HS2ST1: variants seen among roughly 807,000 people sequenced by gnomAD.
The protein encoded by HS2ST1 is 2-O-sulfotransferase.
In HS2ST1, 18 loss-of-function variants were observed where a neutral mutation model predicts 42.9. That is an observed-to-expected ratio of 0.42 (90% CI 0.29 to 0.62). The LOEUF is 0.62. Among genes scored for constraint, HS2ST1 ranks in the 20% least tolerant of loss-of-function variants. The probability of loss-of-function intolerance (pLI) is 0.21; values close to 1 mark genes in which losing one functional copy is unlikely to be tolerated. For synonymous variants in HS2ST1, 146 were observed against 152.9 expected, an observed-to-expected ratio of 0.95 and a Z score of 0.33; for missense variants, 334 against 433.8, an observed-to-expected ratio of 0.77 and a Z score of 2.04.
chr1:87,067,330 G>A (rs544888102), intron 1 of HS2ST1, among the ~76,000 whole-genome samples: 17 of 152,320 alleles, frequency 1.1e-4, no homozygotes, highest in Admixed American at 9.1e-4. Flanking sequence ...CAGTGATGAT[G>A]AGCTTTTTTT....
At chr1:86,915,531 G>C (rs1034470702) in intron 1 of HS2ST1, among the ~76,000 whole-genome samples, 7 of 152,148 alleles carry the variant, frequency 4.6e-5, no homozygotes, top group African/African-American at 1.7e-4. Flanking sequence ...CTTGGAAGTC[G>C]TACAGGAAGC....
At chr1:87,006,923 C>A (rs548191158) in intron 1 of HS2ST1, among the ~76,000 whole-genome samples, 1 of 152,040 alleles carries the variant, frequency 6.6e-6, no homozygotes, top group Non-Finnish European at 1.5e-5. Flanking sequence ...TTTCATTATA[C>A]GGCTGCTAGT....
chr1:86,963,960 G>T (rs1647951036), intron 1 of HS2ST1, among the ~76,000 whole-genome samples: 1 of 151,510 alleles, frequency 6.6e-6, no homozygotes, highest in Non-Finnish European at 1.5e-5. Flanking sequence ...TTCCCAAATG[G>T]GTCGGCTGCC....
intron 1 of HS2ST1, among the ~76,000 whole-genome samples, chr1:86,967,250 A>T (rs1412311286): frequency 6.6e-6 from 1 of 152,000 alleles, no homozygotes; most frequent in Non-Finnish European, 1.5e-5. Flanking sequence ...TGGCGTATTA[A>T]CTAGCTCTTT....
At chr1:87,044,019 G>C (rs1194091268) in intron 1 of HS2ST1, among the ~76,000 whole-genome samples, 2 of 152,010 alleles carry the variant, frequency 1.3e-5, no homozygotes, top group African/African-American at 4.8e-5. Context: ...ACAAATCTTT[G>C]ATAATCTATA....
intron 3 of HS2ST1, among the ~76,000 whole-genome samples, chr1:87,087,340 CAT>C (rs1454594733): frequency 3.9e-5 from 6 of 152,252 alleles, no homozygotes; most frequent in African/African-American, 1.4e-4. Context: ...CTCAGTGTCA[CAT>C]GTCAGCATCT....
intron 2 of HS2ST1, among the ~76,000 whole-genome samples, chr1:87,082,630 A>G (rs1166835763): frequency 6.6e-6 from 1 of 152,250 alleles, no homozygotes; most frequent in Non-Finnish European, 1.5e-5. Context: ...AAAGGTTTAT[A>G]GGAAATAATC....
At chr1:87,090,233 A>G (rs1651907045) in intron 3 of HS2ST1, among the ~76,000 whole-genome samples, 2 of 152,038 alleles carry the variant, frequency 1.3e-5, no homozygotes, top group Non-Finnish European at 2.9e-5. Flanking sequence ...ATTAATATTC[A>G]GCACCTGTGT....
intron 1 of HS2ST1, among the ~76,000 whole-genome samples, chr1:86,956,002 A>T (rs1274046381): frequency 1.3e-5 from 2 of 152,218 alleles, no homozygotes; most frequent in Non-Finnish European, 2.9e-5. Flanking sequence ...AAGATAAAAT[A>T]AAAAAAGGAG....
At chr1:87,043,340 C>A (rs1487866188) in intron 1 of HS2ST1, among the ~76,000 whole-genome samples, 1 of 152,002 alleles carries the variant, frequency 6.6e-6, no homozygotes, top group Non-Finnish European at 1.5e-5. Context: ...TTAAGATTAA[C>A]AATGTAGAAT....
At chr1:87,081,575 A>T (rs930567429) in intron 2 of HS2ST1, among the ~76,000 whole-genome samples, 3 of 152,222 alleles carry the variant, frequency 2.0e-5, no homozygotes, top group African/African-American at 7.2e-5. Context: ...CAGTGCCTAT[A>T]TCAAAAAAGT....
chr1:87,094,501 A>G (rs1043120826), intron 4 of HS2ST1, among the ~76,000 whole-genome samples: 3 of 152,150 alleles, frequency 2.0e-5, no homozygotes, highest in Non-Finnish European at 2.9e-5. Flanking sequence ...ACTGTGGGGC[A>G]CAGAAAGGCT....
chr1:87,085,094 A>G (rs1183825478), intron 3 of HS2ST1, among the ~76,000 whole-genome samples: 1 of 152,240 alleles, frequency 6.6e-6, no homozygotes, highest in Non-Finnish European at 1.5e-5. Context: ...TAACAGTCTT[A>G]TGGATACATT....
chr1:86,936,166 A>G (rs1470235235), intron 1 of HS2ST1, among the ~76,000 whole-genome samples: 1 of 152,104 alleles, frequency 6.6e-6, no homozygotes, highest in East Asian at 1.9e-4. Flanking sequence ...CTTTGCTAAT[A>G]GATTTTAAAT....
intron 1 of HS2ST1, among the ~76,000 whole-genome samples, chr1:86,966,928 G>A (rs927510177): frequency 6.9e-6 from 1 of 145,326 alleles, no homozygotes; most frequent in Non-Finnish European, 1.5e-5. Context: ...TTTCGCTCTT[G>A]TTGCCCAGGC....
At chr1:86,948,762 C>T (rs1360382051) in intron 1 of HS2ST1, among the ~76,000 whole-genome samples, 6 of 152,122 alleles carry the variant, frequency 3.9e-5, no homozygotes, top group Non-Finnish European at 8.8e-5. Flanking sequence ...GTTTTAGGAT[C>T]TGTTATTAAA....
At chr1:86,970,217 A>G (rs915097660) in intron 1 of HS2ST1, among the ~76,000 whole-genome samples, 2 of 152,128 alleles carry the variant, frequency 1.3e-5, no homozygotes, top group Admixed American at 6.5e-5. Context: ...ATTCATCCTA[A>G]CAATGCACAT....
chr1:86,975,669 A>G (rs1648377640), intron 1 of HS2ST1, among the ~76,000 whole-genome samples: 1 of 152,132 alleles, frequency 6.6e-6, no homozygotes, highest in Non-Finnish European at 1.5e-5. Flanking sequence ...AATCTGAGGT[A>G]ATTTTTACAG....
At chr1:87,008,841 T>TG (rs1355669203) in intron 1 of HS2ST1, among the ~76,000 whole-genome samples, 3 of 152,180 alleles carry the variant, frequency 2.0e-5, no homozygotes, top group Non-Finnish European at 2.9e-5. Context: ...TGTTGTGTTG[T>TG]TTTGTTTTAT....
Sources: gnomAD v4.1 joint callset for allele counts (sites outside exome capture counted in the v4.1 genomes callset) on GRCh38, gnomAD v4.1.1 for gene constraint, MANE v1.5 for transcripts, NCBI Gene and HGNC (gene_info 2026-07-23, HGNC 2026-07-21) for gene names.